FHAD1: variants seen among roughly 807,000 people sequenced by gnomAD.
The protein encoded by FHAD1 is forkhead-associated domain-containing protein 1.
A neutral mutation model predicts 191.3 loss-of-function variants in FHAD1; 146 were observed. The observed-to-expected ratio is 0.76, with a 90% CI of 0.67 to 0.88. The LOEUF is 0.88. Ranked by LOEUF, FHAD1 falls within the 40% of genes least tolerant of loss-of-function variation. The probability of loss-of-function intolerance (pLI) is 0.00; values close to 1 mark genes in which losing one functional copy is unlikely to be tolerated. For synonymous variants in FHAD1, 616 were observed against 672.3 expected (o/e 0.92, Z 1.29); for missense variants, 1,635 against 1,785.8 (o/e 0.92, Z 1.52).
chr1:15,375,821 A>G, intron 28 of FHAD1, 91 bp downstream of exon 28: 1 of 1,356,384 alleles, frequency 7.4e-7, no homozygotes, highest in Non-Finnish European at 9.8e-7. Flanking sequence ...GCACAGCCAT[A>G]CATGTCAGTG....
intron 16 of FHAD1, chr1:15,343,734 C>A (rs765877238): frequency 6.6e-6 from 1 of 152,184 alleles, no homozygotes; most frequent in Non-Finnish European, 1.5e-5. Flanking sequence ...ACGGAAAAAG[C>A]CAGCACCGTT....
intron 33 of FHAD1, among the ~76,000 whole-genome samples, chr1:15,393,626 C>A (rs1324509385): frequency 6.6e-6 from 1 of 150,788 alleles, no homozygotes; most frequent in African/African-American, 2.4e-5. Flanking sequence ...TTTTGGAGAC[C>A]GTGTCTTGCT....
intron 2 of FHAD1, among the ~76,000 whole-genome samples, chr1:15,265,067 C>T (rs961948692): frequency 9.2e-5 from 14 of 152,144 alleles, no homozygotes; most frequent in Admixed American, 2.6e-4. Flanking sequence ...TGTTGAATTA[C>T]GTTTGCTAAT....
chr1:15,367,682 T>A, intron 25 of FHAD1, 60 bp downstream of exon 25: 2 of 1,402,756 alleles, frequency 1.4e-6, no homozygotes, highest in Non-Finnish European at 1.9e-6. Context: ...AGCCGCTGAG[T>A]ATTGCAGAGA....
chr1:15,361,889 A>T (rs1694922387), intron 22 of FHAD1, among the ~76,000 whole-genome samples: 1 of 152,056 alleles, frequency 6.6e-6, no homozygotes, highest in South Asian at 2.1e-4. Flanking sequence ...CCTGTAGTCC[A>T]GCTACTCGGG....
At chr1:15,300,964 G>C (rs745885705) in intron 5 of FHAD1, among the ~76,000 whole-genome samples, 17 of 152,068 alleles carry the variant, frequency 1.1e-4, no homozygotes, top group Non-Finnish European at 1.8e-4. Context: ...CAAGTAGCTG[G>C]GATTACAGGC....
chr1:15,317,003 C>T (rs997090849), intron 9 of FHAD1, among the ~76,000 whole-genome samples: 29 of 152,222 alleles, frequency 1.9e-4, no homozygotes, highest in African/African-American at 6.3e-4. Flanking sequence ...CTGGGGAACA[C>T]GGTGAAACCC....
chr1:15,272,675 G>C (rs922662283), intron 3 of FHAD1, 146 bp downstream of exon 3: 3 of 718,438 alleles, frequency 4.2e-6, no homozygotes, highest in African/African-American at 3.6e-5. Flanking sequence ...AGTGGACCCT[G>C]TGGAGTTCTG....
chr1:15,325,521 C>T lies in FHAD1; in HGVS notation c.1473+962C>T, dbSNP rs906693582. 1.3e-5 allele frequency: 2 copies of T among 152,318 alleles called. No homozygotes were observed. Among genetic ancestry groups the T allele is most frequent in the Admixed American group, 6.5e-5 (1 of 15,284 alleles). 9.4% of individuals were successfully genotyped at this position (152,318 alleles called of 1,614,324 possible). ...GTGTGACCAGGCCTTTGTCCCTGTACCCTAAAATTCAAATATTCACCACTG... is the reference window on the plus strand; with the variant it reads ...GTGTGACCAGGCCTTTGTCCCTGTATCCTAAAATTCAAATATTCACCACTG... On this transcript the variant is annotated intron_variant, in intron 11 of 33. Coordinates refer to ENST00000688493, the MANE Select transcript of FHAD1 (RefSeq NM_001391957.1). This position sits in a 1 kb window ranked among gnomAD's most constrained non-coding sequence, Gnocchi z 4.6.
intron 25 of FHAD1, among the ~76,000 whole-genome samples, chr1:15,368,969 C>CT (rs1379736501): frequency 6.6e-6 from 1 of 152,100 alleles, no homozygotes; most frequent in African/African-American, 2.4e-5. Context: ...AGACCATCCA[C>CT]TTACAAGAAA....
chr1:15,290,668 AT>A (rs779572176), intron 4 of FHAD1, among the ~76,000 whole-genome samples: 6 of 149,014 alleles, frequency 4.0e-5, no homozygotes, highest in Non-Finnish European at 7.4e-5. Flanking sequence ...TGACTCAGCC[AT>A]TTTCCCCCAA....
At chr1:15,326,317 T>G (rs1226504928) in intron 11 of FHAD1, 2 of 152,258 alleles carry the variant, frequency 1.3e-5, no homozygotes, top group African/African-American at 4.8e-5. Context: ...GGCTCCTTTT[T>G]ACCTCTAACT....
intron 3 of FHAD1, among the ~76,000 whole-genome samples, chr1:15,274,253 T>A (rs1365878880): frequency 2.0e-5 from 3 of 152,200 alleles, no homozygotes; most frequent in African/African-American, 4.8e-5. Context: ...CATAAGTGTG[T>A]CACCCAGTGG....
At chr1:15,359,472 A>C (rs116434089) in intron 21 of FHAD1, among the ~76,000 whole-genome samples, 3,351 of 152,202 alleles carry the variant, frequency 0.022, 129 homozygotes, top group African/African-American at 0.076. Flanking sequence ...GGAAACGCCA[A>C]GGGGAGCCTT....
At chr1:15,365,421 C>T (rs1223460231) in intron 23 of FHAD1, among the ~76,000 whole-genome samples, 3 of 151,210 alleles carry the variant, frequency 2.0e-5, no homozygotes, top group Admixed American at 2.0e-4. Flanking sequence ...CTCAAGCAAT[C>T]TTCCCACCTC....
chr1:15,367,698 C>T (rs951430550), intron 25 of FHAD1, 76 bp downstream of exon 25: 2 of 1,209,410 alleles, frequency 1.7e-6, no homozygotes, highest in Non-Finnish European at 2.3e-6. Flanking sequence ...AGAGAGAGGG[C>T]TCAGTACATG....
At chr1:15,248,878 G>A (rs1434153360) in intron 1 of FHAD1, among the ~76,000 whole-genome samples, 2 of 152,070 alleles carry the variant, frequency 1.3e-5, no homozygotes, top group African/African-American at 2.4e-5. Flanking sequence ...ATGAGCCACC[G>A]TGCCCAGCCA....
intron 33 of FHAD1, among the ~76,000 whole-genome samples, chr1:15,396,048 A>G (rs909831): frequency 0.39 from 59,531 of 152,108 alleles, 15,047 homozygotes; most frequent in African/African-American, 0.72. Context: ...GGTGGCTCAC[A>G]CCTGTAATCC....
chr1:15,241,674 C>CA lies in FHAD1; in HGVS notation c.-15+4916dup, dbSNP rs1468489192. 1.0e-3 allele frequency among the ~76,000 whole-genome samples: 47 copies of CA among 46,020 alleles called. 1 individual carries two copies. Among genetic ancestry groups the CA allele is most frequent in the East Asian group, 6.1e-3 (3 of 490 alleles). 30.2% of individuals were successfully genotyped at this position (46,020 alleles called of 152,430 possible). On this transcript the variant is annotated intron_variant, in intron 1 of 33. Coordinates refer to the FHAD1 transcript ENST00000683790. ...AAAAAACAAACAACAAAAAAACAAA[C>CA]AAACAAAAAAAACCCAGAACGAATC...
Sources: allele counts gnomAD v4.1 joint callset (sites outside exome capture counted in the v4.1 genomes callset), GRCh38; gene constraint gnomAD v4.1.1; non-coding constraint Gnocchi (gnomAD v3.1); transcripts MANE v1.5; gene names NCBI Gene and HGNC (gene_info 2026-07-23, HGNC 2026-07-21).